Variants in DNAJC1 observed in about 807,000 individuals in gnomAD.
DNAJC1 encodes the protein dnaJ homolog subfamily C member 1.
A neutral mutation model predicts 76.6 loss-of-function variants in DNAJC1; 58 were observed. The observed-to-expected ratio is 0.76, with a 90% CI of 0.61 to 0.94. The LOEUF (loss-of-function observed/expected upper bound fraction) is 0.94. Ranked by LOEUF, DNAJC1 falls within the 40% of genes least tolerant of loss-of-function variation. DNAJC1 has a pLI of 0.00. For missense variants in DNAJC1, 689 were observed against 677.3 expected (o/e 1.02, Z -0.19); for synonymous variants, 258 against 267.9 (o/e 0.96, Z 0.36).
chr10:21,986,982 G>C (rs1838258244), intron 1 of DNAJC1, among the ~76,000 whole-genome samples: 3 of 152,042 alleles, frequency 2.0e-5, no homozygotes, highest in Admixed American at 6.6e-5. Context: ...TGGCCAGGCT[G>C]GTCTCAAACT....
Position 21,891,836 on chromosome 10 carries a change from T to G in DNAJC1, c.821-9397A>C, listed in dbSNP as rs546688771. ...TAAAAGAAGCTCTATAAACAGAAAA[T>G]AAATCATAAAAGAAAATATATTGGA... On this transcript the variant is annotated intron_variant, in intron 7 of 11. Transcript: ENST00000376980. Among the ~76,000 whole-genome samples, 7 of 151,938 alleles carry G rather than the reference T, an allele frequency of 4.6e-5. No homozygotes were observed. In the East Asian group the frequency reaches 1.4e-3, roughly 29 times the overall value.
chr10:21,964,769 T>C (rs1204397730), intron 1 of DNAJC1, among the ~76,000 whole-genome samples: 2 of 151,982 alleles, frequency 1.3e-5, no homozygotes, highest in East Asian at 3.9e-4. Flanking sequence ...ATTGTGTTCT[T>C]TTTCTTGAAA....
Position 21,936,441 on chromosome 10 carries a change from T to C in DNAJC1, c.223-7300A>G, listed in dbSNP as rs376554881. ...TTGGTTAGTAACTTCAATTTTACTCTACATGATTTAAAAGACAGTTACATA... is the reference window on the plus strand; with the variant it reads ...TTGGTTAGTAACTTCAATTTTACTCCACATGATTTAAAAGACAGTTACATA... On this transcript the variant is annotated intron_variant, in intron 1 of 11. Coordinates refer to ENST00000376980, the MANE Select transcript of DNAJC1 (RefSeq NM_022365.4). Among the ~76,000 whole-genome samples the C allele has an allele frequency of 3.3e-5, 5 of 152,340 alleles. No homozygotes were observed. In the East Asian group the frequency reaches 7.7e-4, roughly 23 times the overall value.
At chr10:21,808,334 C>G (rs941130369) in intron 8 of DNAJC1, among the ~76,000 whole-genome samples, 10 of 152,168 alleles carry the variant, frequency 6.6e-5, no homozygotes, top group African/African-American at 2.4e-4. Flanking sequence ...AAAAACAAAT[C>G]TGATTTTAAT....
chr10:21,928,068 T>A (rs1304503923), intron 3 of DNAJC1, among the ~76,000 whole-genome samples: 1 of 152,212 alleles, frequency 6.6e-6, no homozygotes, highest in Middle Eastern at 3.4e-3. Context: ...TGAGGAAATA[T>A]CAAGAAAGAG....
chr10:21,948,481 T>C (rs1837542368), intron 1 of DNAJC1, among the ~76,000 whole-genome samples: 1 of 152,214 alleles, frequency 6.6e-6, no homozygotes, highest in South Asian at 2.1e-4. Context: ...CAGAGTGTGT[T>C]TGGTAACCTG....
chr10:21,908,093 A>C (rs1836780792), intron 6 of DNAJC1, among the ~76,000 whole-genome samples: 1 of 111,806 alleles, frequency 8.9e-6, no homozygotes, highest in Non-Finnish European at 1.7e-5. Flanking sequence ...TTATATATAA[A>C]ATATATATAA....
chr10:21,908,621 T>C (rs1336385149), intron 6 of DNAJC1, among the ~76,000 whole-genome samples: 1 of 151,812 alleles, frequency 6.6e-6, no homozygotes, highest in East Asian at 1.9e-4. Flanking sequence ...CCTGGGGATA[T>C]AAACTTCTAA....
At chr10:21,989,598 C>T (rs573077181) in intron 1 of DNAJC1, among the ~76,000 whole-genome samples, 60 of 152,170 alleles carry the variant, frequency 3.9e-4, no homozygotes, top group Non-Finnish European at 6.3e-4. Context: ...GGCAATCCAC[C>T]GCCTGTGGGG....
intron 1 of DNAJC1, among the ~76,000 whole-genome samples, chr10:21,931,772 T>G (rs993871076): frequency 1.3e-5 from 2 of 152,224 alleles, no homozygotes; most frequent in Admixed American, 6.5e-5. Flanking sequence ...GCCTGAATGT[T>G]AGAACATTCA....
rs1343232689 is a variant in DNAJC1 at position 21,769,222 on chromosome 10, A to ACTT, written c.1099-2916_1099-2914dup. ...TGATTAACCTAGGTCTCTGGCCCTGACTTCTACCTTGGAATGCCAGTCTCA... is the reference window on the plus strand; with the variant it reads ...TGATTAACCTAGGTCTCTGGCCCTGACTTCTTCTACCTTGGAATGCCAGTCTCA... On this transcript the variant is annotated intron_variant, in intron 9 of 11. Transcript: ENST00000376980. Among the ~76,000 whole-genome samples, 4 of 152,312 alleles carry ACTT rather than the reference A, an allele frequency of 2.6e-5. No homozygotes were observed. In the East Asian group the frequency reaches 7.7e-4, roughly 29 times the overall value.
At chr10:21,935,388 A>G (rs1196457562) in intron 1 of DNAJC1, among the ~76,000 whole-genome samples, 4 of 152,196 alleles carry the variant, frequency 2.6e-5, no homozygotes, top group Admixed American at 6.5e-5. Flanking sequence ...AGTAGGCAGA[A>G]GAAACAATCA....
intron 1 of DNAJC1, among the ~76,000 whole-genome samples, chr10:21,952,362 C>CT (rs572328964): frequency 6.6e-6 from 1 of 151,996 alleles, no homozygotes; most frequent in African/African-American, 2.4e-5. Context: ...AAAACAATAG[C>CT]TTTTTTTTCT....
At chr10:21,905,857 T>C (rs1455557131) in intron 6 of DNAJC1, among the ~76,000 whole-genome samples, 1 of 152,140 alleles carries the variant, frequency 6.6e-6, no homozygotes, top group African/African-American at 2.4e-5. Context: ...TAGGGTAACA[T>C]TCTCAGACCA....
At chr10:21,912,641 A>T (rs1836882762) in intron 6 of DNAJC1, among the ~76,000 whole-genome samples, 1 of 152,128 alleles carries the variant, frequency 6.6e-6, no homozygotes, top group Non-Finnish European at 1.5e-5. Context: ...GAAAAGTTTT[A>T]AAAAGTTTTA....
chr10:21,840,115 G>A (rs1396497232), intron 8 of DNAJC1, among the ~76,000 whole-genome samples: 1 of 152,126 alleles, frequency 6.6e-6, no homozygotes, highest in Non-Finnish European at 1.5e-5. Context: ...AATAATAAGA[G>A]CTATCTATGA....
At chr10:21,884,323 CA>C (rs1836333626) in intron 7 of DNAJC1, among the ~76,000 whole-genome samples, 1 of 152,100 alleles carries the variant, frequency 6.6e-6, no homozygotes, top group South Asian at 2.1e-4. Context: ...GAGGCTCATA[CA>C]CTCTAAAGGT....
intron 9 of DNAJC1, among the ~76,000 whole-genome samples, chr10:21,776,342 T>C (rs1834454269): frequency 6.6e-6 from 1 of 152,190 alleles, no homozygotes; most frequent in African/African-American, 2.4e-5. Flanking sequence ...ATAAAATAAG[T>C]ACTTAATCTG....
At chr10:21,759,005 T>A (rs1219505588) in intron 11 of DNAJC1, among the ~76,000 whole-genome samples, 165 bp downstream of exon 11, 1 of 152,162 alleles carries the variant, frequency 6.6e-6, no homozygotes, top group East Asian at 1.9e-4. Flanking sequence ...ATGCACAGAT[T>A]CACACGCTCT....
Sources: allele counts gnomAD v4.1 joint callset (sites outside exome capture counted in the v4.1 genomes callset), GRCh38; gene constraint gnomAD v4.1.1; transcripts MANE v1.5; gene names NCBI Gene and HGNC (gene_info 2026-07-23, HGNC 2026-07-21).